The following CHD9 variants were observed in gnomAD, a reference collection of about 807,000 sequenced individuals.
The protein encoded by CHD9 is ATP-dependent chromatin remodeler CHD9.
A neutral mutation model predicts 316.1 loss-of-function variants in CHD9; 77 were observed. The ratio of observed to expected loss-of-function variants is 0.24; its 90% confidence interval spans 0.20 to 0.29. The LOEUF (loss-of-function observed/expected upper bound fraction) is 0.29. Among genes scored for constraint, CHD9 ranks in the 10% least tolerant of loss-of-function variants. The probability of loss-of-function intolerance (pLI) is 1.00; values close to 1 mark genes in which losing one functional copy is unlikely to be tolerated. For missense variants in CHD9, 2,763 were observed against 3,438.1 expected, an observed-to-expected ratio of 0.80 and a Z score of 4.91; for synonymous variants, 1,129 against 1,158.3, an observed-to-expected ratio of 0.97 and a Z score of 0.51.
At position 53,204,839 on chromosome 16, in the gene CHD9, ATGTT is replaced by A. The variant is rs555101626; in HGVS notation, c.1453-4633_1453-4630del. Among the ~76,000 whole-genome samples the A allele has an allele frequency of 6.2e-4, 94 of 151,758 alleles. 1 individual carries two copies. The East Asian group carries it at 7.4e-3, about 12-fold the overall frequency. Reference sequence around the variant, plus strand: ...GCCTTTTATGTATTTTTTTGTTTATATGTTTGTTTGTTTATTTGTTTTGAGACAG... The same window carrying A: ...GCCTTTTATGTATTTTTTTGTTTATATGTTTGTTTATTTGTTTTGAGACAG... On this transcript the variant is annotated intron_variant, in intron 2 of 38. Coordinates refer to ENST00000447540, the MANE Select transcript of CHD9 (RefSeq NM_001308319.2).
At chr16:53,116,533 A>C (rs2038319065) in intron 1 of CHD9, among the ~76,000 whole-genome samples, 1 of 152,238 alleles carries the variant, frequency 6.6e-6, no homozygotes, top group Non-Finnish European at 1.5e-5. Flanking sequence ...AAAGTTAGGC[A>C]GTCCCAGTCA....
In CHD9 at chr16:53,108,893, A is replaced by AAAAATAAAAT. The variant is rs146326973; in HGVS notation, c.-164-47014_-164-47005dup. 8.2e-4 allele frequency among the ~76,000 whole-genome samples: 125 copies of AAAAATAAAAT among 151,892 alleles called. 1 individual carries two copies. The highest frequency in any genetic ancestry group is 2.9e-3 in the African/African-American group (118 of 41,236). On this transcript the variant is annotated intron_variant, in intron 1 of 38. Coordinates refer to ENST00000447540, the MANE Select transcript of CHD9 (RefSeq NM_001308319.2). ...TGGGCAATAAGAGCAAAACTGTTTC[A>AAAAATAAAAT]AAAATAAAATAAAATAAAATAAAAT... is the stretch of plus-strand genomic sequence containing the variant.
At chr16:53,212,811 CT>C (rs564027674) in intron 3 of CHD9, among the ~76,000 whole-genome samples, 91 of 152,270 alleles carry the variant, frequency 6.0e-4, no homozygotes, top group African/African-American at 2.0e-3. Flanking sequence ...CATCCTCATG[CT>C]TTAGGTTCCT....
Position 53,192,914 on chromosome 16 carries a change from T to C in CHD9, c.1453-16568T>C, listed in dbSNP as rs374405074. The stretch of plus-strand genomic sequence containing the variant: ...GGTTGTTTTCAGGTTTTTGTAATTA[T>C]GAATAAAGCCTCTATAAACATGTAT... On this transcript the variant is annotated intron_variant, in intron 2 of 38. Coordinates refer to ENST00000447540, the MANE Select transcript of CHD9 (RefSeq NM_001308319.2). Among the ~76,000 whole-genome samples the C allele has an allele frequency of 2.0e-5, 3 of 152,332 alleles. No individual in the cohort carries two copies. The South Asian group carries it at 6.2e-4, about 32-fold the overall frequency.
intron 1 of CHD9, among the ~76,000 whole-genome samples, chr16:53,154,294 A>G (rs538434965): frequency 6.6e-6 from 1 of 152,298 alleles, no homozygotes; most frequent in East Asian, 1.9e-4. Flanking sequence ...TGTTCCTCAA[A>G]CCAAACATCA....
chr16:53,280,290 C>T (rs374487951), intron 24 of CHD9, among the ~76,000 whole-genome samples: 11 of 151,772 alleles, frequency 7.2e-5, no homozygotes, highest in South Asian at 6.2e-4. Context: ...CATCAATCAA[C>T]GAATGGATAA....
At chr16:53,192,629 T>C (rs1411266838) in intron 2 of CHD9, among the ~76,000 whole-genome samples, 1 of 152,240 alleles carries the variant, frequency 6.6e-6, no homozygotes, top group Non-Finnish European at 1.5e-5. Context: ...AATTCCCTCA[T>C]TCCCGTTTGC....
chr16:53,296,894 T>A, intron 29 of CHD9, 62 bp from the exon 30 acceptor site: 1 of 1,029,674 alleles, frequency 9.7e-7, no homozygotes, highest in Non-Finnish European at 1.5e-6. Flanking sequence ...GTCATTATAT[T>A]TAGTATTAAT....
At chr16:53,267,822 C>CA in intron 21 of CHD9, 105 bp from the exon 22 acceptor site, 1 of 986,682 alleles carries the variant, frequency 1.0e-6, no homozygotes, top group Non-Finnish European at 1.5e-6. Context: ...ACTTAATTAG[C>CA]AAAAATGACA....
chr16:53,109,677 C>CTTTTTTTTTTTTTTT (rs1166073629), intron 1 of CHD9, among the ~76,000 whole-genome samples: 1 of 71,606 alleles, frequency 1.4e-5, no homozygotes, highest in African/African-American at 5.9e-5. Flanking sequence ...TTCCCAGTTT[C>CTTTTTTTTTTTTTTT]TTTTTTTTTT....
chr16:53,209,547 G>A lies in CHD9; in HGVS notation c.1518G>A (p.Arg506=), dbSNP rs750859614. The change falls in exon 3 of 39, where the codon AGG becomes AGA. Residue 506 remains arginine, a synonymous_variant. Coordinates refer to ENST00000447540, the MANE Select transcript of CHD9 (RefSeq NM_001308319.2). The part of the protein sequence containing the change: ...TYTKLQNTQV[R]VMSEKKQRKK... Reference sequence around the variant, plus strand: ...CTAAGTTGCAGAATACCCAGGTGAGGGTCATGTCTGAGAAGAAGCAGAGAA... The same window carrying A: ...CTAAGTTGCAGAATACCCAGGTGAGAGTCATGTCTGAGAAGAAGCAGAGAA... 6 of 1,613,696 alleles carry A rather than the reference G, an allele frequency of 3.7e-6. No homozygotes were observed. In the African/African-American group the frequency reaches 6.7e-5, roughly 18 times the overall value.
At chr16:53,276,047 A>G (rs934502118) in intron 24 of CHD9, among the ~76,000 whole-genome samples, 27 of 152,200 alleles carry the variant, frequency 1.8e-4, no homozygotes, top group Admixed American at 5.2e-4. Context: ...TAATTCTCCA[A>G]TCTCATCACG....
At chr16:53,321,472 C>A in intron 37 of CHD9, 54 bp from the exon 38 acceptor site, 1 of 1,463,072 alleles carries the variant, frequency 6.8e-7, no homozygotes, top group South Asian at 1.4e-5. Context: ...TAAAAGCAAT[C>A]AAGAGTTTTC....
In CHD9 at chr16:53,304,464, C is replaced by A; in HGVS notation, c.6458C>A (p.Ser2153Tyr). 6.4e-7 allele frequency: 1 copy of A among 1,568,468 alleles called. No homozygotes were observed. Among genetic ancestry groups the A allele is most frequent in the South Asian group, 1.2e-5 (1 of 85,162 alleles). The stretch of plus-strand genomic sequence containing the variant: ...TCCAGATCATCTTCTTCCTCATCAT[C>A]CTCTTCTTGCTCCCACTCTCGATCA... ...CSSRSSSSSS[S>Y]SSCSHSRSGS... is the part of the protein sequence containing the mutation. Residue 2153 changes from serine to tyrosine, a missense_variant, in exon 31 of 39, where the codon TCC becomes TAC. By Grantham distance (144) the Ser-to-Tyr change is moderately radical (BLOSUM62 -2). Around this residue, in one of 15 missense-constraint regions of CHD9, gnomAD observed 663 missense variants for 751.2 expected, o/e 0.88. Transcript: ENST00000447540.
At chr16:53,209,879 A>G in intron 3 of CHD9, 66 bp downstream of exon 3, 2 of 1,148,146 alleles carry the variant, frequency 1.7e-6, no homozygotes, top group South Asian at 1.6e-5. Flanking sequence ...CTGTCCAACC[A>G]TCTACTTTTG....
chr16:53,293,073 T>G, intron 29 of CHD9, 21 bp downstream of exon 29: 1 of 1,557,912 alleles, frequency 6.4e-7, no homozygotes, highest in Admixed American at 1.8e-5. Flanking sequence ...AACACTAAAT[T>G]TTTAATGTAT....
Position 53,304,308 on chromosome 16 carries a change from A to G in CHD9, c.6302A>G (p.Asp2101Gly). The stretch of plus-strand genomic sequence containing the variant: ...AAATCTGGTGGAAAATGTGAAACAG[A>G]CAGACGCATGGTTGCAGCCAGAACA... Reference protein sequence around the residue: ...DQKSGGKCETDRRMVAARTEP... With the variant: ...DQKSGGKCETGRRMVAARTEP... The change falls in exon 31 of 39, where the codon GAC becomes GGC. Residue 2101 changes from aspartate (D) to glycine (G), a missense_variant. Asp to Gly is a moderately conservative substitution (Grantham distance 94). Transcript: ENST00000447540. The G allele has an allele frequency of 6.2e-7, 1 of 1,612,194 alleles. No homozygotes were observed. Among genetic ancestry groups the G allele is most frequent in the South Asian group, 1.1e-5 (1 of 91,038 alleles).
At chr16:53,175,604 A>G (rs1362396021) in intron 2 of CHD9, among the ~76,000 whole-genome samples, 1 of 152,172 alleles carries the variant, frequency 6.6e-6, no homozygotes, top group East Asian at 1.9e-4. Context: ...ATAATTGTTT[A>G]TTCTTCTTTG....
At chr16:53,306,488 AGGTCAGC>A in intron 32 of CHD9, 91 bp downstream of exon 32, 6 of 1,075,882 alleles carry the variant, frequency 5.6e-6, no homozygotes, top group East Asian at 2.9e-5. Context: ...GTGGAAACAT[AGGTCAGC>A]GTAAAATGTA....
Sources: gnomAD v4.1 joint callset for allele counts (sites outside exome capture counted in the v4.1 genomes callset) on GRCh38, gnomAD v4.1.1 for gene constraint, gnomAD v4.1.1 regional missense constraint, MANE v1.5 for transcripts, NCBI Gene and HGNC (gene_info 2026-07-23, HGNC 2026-07-21) for gene names.